The following ADGRG2 variants were observed in gnomAD, a reference collection of about 807,000 sequenced individuals.
ADGRG2 encodes adhesion G protein-coupled receptor G2.
ADGRG2 carries 26 observed loss-of-function variants against 74.1 expected under a neutral mutation model. That is an observed-to-expected ratio of 0.35 (90% confidence interval 0.26 to 0.49). The LOEUF (loss-of-function observed/expected upper bound fraction) is 0.49. ADGRG2 is among the 20% of genes least tolerant of loss of function. The pLI is 0.99. For missense variants in ADGRG2, 619 were observed against 763.1 expected (o/e 0.81, Z 2.22); for synonymous variants, 296 against 295.2 (o/e 1.00, Z -0.03).
At chrX:19,002,173 T>C (rs2060143260) in intron 24 of ADGRG2, among the ~76,000 whole-genome samples, 2 of 109,882 alleles carry the variant, frequency 1.8e-5, no homozygotes, top group Non-Finnish European at 3.8e-5. Flanking sequence ...TCCCCAGTAA[T>C]AGAAGTATTC....
chrX:19,043,285 C>T lies in ADGRG2; in HGVS notation c.119-3061G>A, dbSNP rs144373208. On this transcript the variant is annotated intron_variant, in intron 3 of 28. Transcript: ENST00000379869. Reference sequence around the variant, plus strand: ...CTGGTCCAACCTAGAGGTATCCCCACAGGACTTACACTTTTCTGAGGATCA... The same window carrying T: ...CTGGTCCAACCTAGAGGTATCCCCATAGGACTTACACTTTTCTGAGGATCA... Among the ~76,000 whole-genome samples, 672 of 111,431 alleles carry T rather than the reference C, an allele frequency of 6.0e-3. 3 individuals carry two copies. The highest frequency in any genetic ancestry group is 0.021 in the African/African-American group (646 of 30,612).
chrX:19,041,005 T>C (rs2061049259), intron 3 of ADGRG2, among the ~76,000 whole-genome samples: 1 of 111,163 alleles, frequency 9.0e-6, no homozygotes, highest in African/African-American at 3.3e-5. Context: ...TTTACATATA[T>C]ACAGATACAT....
Position 19,059,963 on chromosome X carries a change from C to A in ADGRG2, c.118+8754G>T, listed in dbSNP as rs147686192. On this transcript the variant is annotated intron_variant, in intron 3 of 28. Transcript: ENST00000379869. ...CCTGGCCAACGTGGCAAAACCCCGT[C>A]TCTACTAAAAATTCAAAAATTAGCC... Among the ~76,000 whole-genome samples, 426 of 110,914 alleles carry A rather than the reference C, an allele frequency of 3.8e-3. 2 individuals carry two copies. The highest frequency in any genetic ancestry group is 0.013 in the African/African-American group (401 of 30,553).
intron 1 of ADGRG2, among the ~76,000 whole-genome samples, chrX:19,092,123 C>T (rs1282284948): frequency 8.9e-6 from 1 of 112,163 alleles, no homozygotes; most frequent in Non-Finnish European, 1.9e-5. Flanking sequence ...CTTCCCACCA[C>T]AGCCACCGGC....
chrX:19,034,484 A>G (rs1384554595), intron 7 of ADGRG2: 1 of 111,492 alleles, frequency 9.0e-6, no homozygotes, highest in East Asian at 2.8e-4. Flanking sequence ...CAGAGATTGG[A>G]AACACACTTA....
Position 19,002,890 on chromosome X carries a change from G to A in ADGRG2, c.2186C>T (p.Thr729Ile). Residue 729 changes from threonine to isoleucine, a missense_variant, in exon 24 of 29, where the codon ACT (threonine) becomes ATT (isoleucine). This residue lies in a region of ADGRG2 where 221 missense variants were observed against 340.6 expected (regional missense o/e 0.65). Transcript: ENST00000379869. ...MYLALVKVFN[T>I]YIRKYILKFC... Reference sequence around the variant, plus strand: ...TTTAAGGATGTATTTTCGGATGTAAGTATTAAATACTTTGACAAGGGCCAG... The same window carrying A: ...TTTAAGGATGTATTTTCGGATGTAAATATTAAATACTTTGACAAGGGCCAG... 5 of 1,207,268 alleles carry A rather than the reference G, an allele frequency of 4.1e-6. No individual in the cohort carries two copies. Among genetic ancestry groups the A allele is most frequent in the Non-Finnish European group, 5.6e-6 (5 of 891,399 alleles).
chrX:19,120,546 T>C (rs1371473010), intron 1 of ADGRG2, among the ~76,000 whole-genome samples: 4 of 111,953 alleles, frequency 3.6e-5, no homozygotes, highest in Non-Finnish European at 7.5e-5. Context: ...TGGAGATAAC[T>C]GCAACATCTA....
intron 2 of ADGRG2, among the ~76,000 whole-genome samples, chrX:19,074,279 AC>A (rs913996099): frequency 2.5e-5 from 2 of 79,968 alleles, no homozygotes; most frequent in African/African-American, 1.0e-4. Context: ...TCATTCTGTC[AC>A]CCAGGCTGGA....
intron 3 of ADGRG2, among the ~76,000 whole-genome samples, chrX:19,058,787 A>T (rs1275836619): frequency 8.9e-6 from 1 of 112,306 alleles, no homozygotes; most frequent in East Asian, 2.8e-4. Context: ...CAGCCCTGTG[A>T]TCTTGTAAAT....
intron 2 of ADGRG2, among the ~76,000 whole-genome samples, chrX:19,071,099 C>T (rs2061647435): frequency 9.0e-6 from 1 of 111,262 alleles, no homozygotes; most frequent in South Asian, 3.8e-4. Context: ...GTCAGAGTTT[C>T]TGTCTCAAGG....
intron 15 of ADGRG2, among the ~76,000 whole-genome samples, chrX:19,018,585 C>T (rs1245844974): frequency 1.8e-5 from 2 of 111,294 alleles, no homozygotes; most frequent in Non-Finnish European, 3.8e-5. Context: ...ATACCTCCCA[C>T]GCAGCTTGGT....
chrX:19,075,617 C>CAAAAA (rs61690480), intron 2 of ADGRG2, among the ~76,000 whole-genome samples: 9 of 39,422 alleles, frequency 2.3e-4, no homozygotes, highest in Non-Finnish European at 3.0e-4. Context: ...GACTTCGCCT[C>CAAAAA]AAAAAAAAAA....
chrX:19,080,645 A>C (rs1395913386), intron 2 of ADGRG2, among the ~76,000 whole-genome samples: 2 of 111,424 alleles, frequency 1.8e-5, no homozygotes, highest in Non-Finnish European at 3.8e-5. Context: ...TTACAAGCAT[A>C]ATTAGAAGAC....
rs1345201486 is a variant in ADGRG2, at chrX:19,027,209, G to C, written c.470+10C>G. The C allele has an allele frequency of 2.7e-6, 3 of 1,100,956 alleles. No homozygotes were observed. The highest frequency in any genetic ancestry group is 1.8e-5 in the African/African-American group (1 of 55,336). 90.7% of individuals were successfully genotyped at this position (1,100,956 alleles called of 1,213,427 possible). Reference sequence around the variant, plus strand: ...GTCTGCAGTTTCAAATCAAACGGCAGATTACTCACTTTAATTCACTTAGAG... The same window carrying C: ...GTCTGCAGTTTCAAATCAAACGGCACATTACTCACTTTAATTCACTTAGAG... On this transcript the variant is annotated intron_variant, in intron 11 of 28. Transcript: ENST00000379869.
intron 1 of ADGRG2, among the ~76,000 whole-genome samples, chrX:19,119,110 G>T (rs1049037250): frequency 1.8e-5 from 2 of 111,844 alleles, no homozygotes; most frequent in Non-Finnish European, 3.8e-5. Flanking sequence ...ATCCTGATAC[G>T]GTGGTGGTTA....
chrX:19,105,589 G>A (rs894855915), intron 1 of ADGRG2, among the ~76,000 whole-genome samples: 2 of 110,445 alleles, frequency 1.8e-5, no homozygotes, highest in African/African-American at 6.6e-5. Context: ...GGGGATGGGC[G>A]GCTAGGGGAG....
rs567765856 is a variant in ADGRG2, at chrX:19,115,036, C to G, written c.-47+7406G>C. Among the ~76,000 whole-genome samples, 2 of 111,851 alleles carry G rather than the reference C, an allele frequency of 1.8e-5. 1 individual carries two copies. The highest frequency in any genetic ancestry group is 7.4e-4 in the South Asian group (2 of 2,694). On this transcript the variant is annotated intron_variant, in intron 1 of 28. Coordinates refer to ENST00000379869, the MANE Select transcript of ADGRG2 (RefSeq NM_001079858.3). ...GTAGTAACTGCTCAGTAAATATTAG[C>G]TATCATTATTATTACGAGAGTGTCA...
chrX:18,997,267 C>A (rs2060035794), intron 26 of ADGRG2, among the ~76,000 whole-genome samples: 1 of 111,479 alleles, frequency 9.0e-6, no homozygotes, highest in African/African-American at 3.3e-5. Flanking sequence ...TATATATATT[C>A]AACCACCCCA....
At chrX:19,006,851 C>G (rs952037174) in intron 20 of ADGRG2, among the ~76,000 whole-genome samples, 1 of 105,596 alleles carries the variant, frequency 9.5e-6, no homozygotes, top group Non-Finnish European at 1.9e-5. Flanking sequence ...CTTGAGCTCC[C>G]GGGCTCGTGA....
Sources: gnomAD v4.1 joint callset for allele counts (sites outside exome capture counted in the v4.1 genomes callset) on GRCh38, gnomAD v4.1.1 for gene constraint, gnomAD v4.1.1 regional missense constraint, MANE v1.5 for transcripts, NCBI Gene and HGNC (gene_info 2026-07-23, HGNC 2026-07-21) for gene names.